Variants in GATAD2A observed in about 807,000 individuals in gnomAD.
GATAD2A encodes the protein GATA zinc finger domain containing 2A.
In GATAD2A, 12 loss-of-function variants were observed where a neutral mutation model predicts 68.5. The observed-to-expected ratio is 0.18, with a 90% CI of 0.11 to 0.28. GATAD2A has a LOEUF of 0.28. Ranked by LOEUF, GATAD2A falls within the 10% of genes least tolerant of loss-of-function variation. The probability of loss-of-function intolerance (pLI) is 1.00; values close to 1 mark genes in which losing one functional copy is unlikely to be tolerated. For missense variants in GATAD2A, 755 were observed against 868.5 expected (o/e 0.87, Z 1.64); for synonymous variants, 410 against 375.3 (o/e 1.09, Z -1.07).
Position 19,396,070 on chromosome 19 carries a change from C to T in GATAD2A, c.-7+9932C>T, listed in dbSNP as rs188880835. Among the ~76,000 whole-genome samples the T allele has an allele frequency of 5.9e-5, 9 of 152,264 alleles. 1 individual carries two copies. The stretch of plus-strand genomic sequence containing the variant: ...GCACGGTGGCTCACACCTGTAAACC[C>T]AGCACTTTGGGAGGCTGAGGCGGGT... On this transcript the variant is annotated intron_variant, in intron 1 of 11. Transcript: ENST00000360315.
chr19:19,433,765 A>G (rs1382730740), intron 1 of GATAD2A, among the ~76,000 whole-genome samples: 1 of 152,182 alleles, frequency 6.6e-6, no homozygotes, highest in African/African-American at 2.4e-5. Flanking sequence ...TACTGCAAGG[A>G]GTACCTCCCC....
intron 8 of GATAD2A, among the ~76,000 whole-genome samples, chr19:19,498,990 A>G (rs1600298953): frequency 6.6e-6 from 1 of 152,128 alleles, no homozygotes; most frequent in African/African-American, 2.4e-5. Context: ...GTGGTGGGGT[A>G]GACGTGAGGG....
intron 1 of GATAD2A, among the ~76,000 whole-genome samples, chr19:19,420,811 G>A (rs563110284): frequency 6.6e-6 from 1 of 152,192 alleles, no homozygotes; most frequent in Admixed American, 6.5e-5. Context: ...TATGAGTGTT[G>A]GTATGATGAC....
intron 2 of GATAD2A, among the ~76,000 whole-genome samples, chr19:19,491,657 G>A (rs558381722): frequency 8.0e-4 from 122 of 152,310 alleles, no homozygotes; most frequent in African/African-American, 2.2e-3. Flanking sequence ...AGCCACTGCC[G>A]CCATGTGGGG....
upstream of GATAD2A, among the ~76,000 whole-genome samples, chr19:19,401,213 T>A (rs867925277): frequency 2.1e-4 from 13 of 61,052 alleles, no homozygotes; most frequent in South Asian, 2.1e-3. Context: ...AAAACTTGGC[T>A]TTTTTTTTTT....
chr19:19,458,214 C>T (rs75582668), intron 1 of GATAD2A, among the ~76,000 whole-genome samples: 23,965 of 152,200 alleles, frequency 0.16, 1,999 homozygotes, highest in Middle Eastern at 0.27. Flanking sequence ...GGACTCACCA[C>T]GGCTTTCCCT....
Position 19,416,046 on chromosome 19 carries a change from C to T in GATAD2A, c.-7+10027C>T, listed in dbSNP as rs192122254. Among the ~76,000 whole-genome samples the T allele has an allele frequency of 3.3e-4, 50 of 152,222 alleles. No homozygotes were observed. The East Asian group carries it at 4.0e-3, about 12-fold the overall frequency. ...ATGATCACAATCACTATAGCCTCGA[C>T]CTCCTGGACTTAAGCCATCCTCCCA... On this transcript the variant is annotated intron_variant, in intron 1 of 11. Transcript: ENST00000683918.
Position 19,507,792 on chromosome 19 carries a change from C to T in GATAD2A, c.*2318C>T, listed in dbSNP as rs2060931464. The T allele has an allele frequency of 6.6e-6, 1 of 152,110 alleles. No individual in the cohort carries two copies. The highest frequency in any genetic ancestry group is 1.9e-4 in the East Asian group (1 of 5,190). 9.4% of individuals were successfully genotyped at this position (152,110 alleles called of 1,614,324 possible). On this transcript the variant is annotated 3_prime_UTR_variant, in exon 12 of 12. Transcript: ENST00000683918. ...CCCCAGGGGGCAAAAGTGTGAGATG[C>T]CTTAATCTTTCCTTCATTTCTGCTG...
At chr19:19,485,700 C>T (rs140902037) in intron 2 of GATAD2A, among the ~76,000 whole-genome samples, 1 of 152,298 alleles carries the variant, frequency 6.6e-6, no homozygotes, top group Non-Finnish European at 1.5e-5. Flanking sequence ...TCAAGTACTA[C>T]GGGGGCTATG....
intron 1 of GATAD2A, among the ~76,000 whole-genome samples, chr19:19,397,867 G>A (rs1273342712): frequency 6.6e-6 from 1 of 152,098 alleles, no homozygotes; most frequent in Non-Finnish European, 1.5e-5. Flanking sequence ...GACTACAGGC[G>A]CATGCTATCA....
Position 19,495,875 on chromosome 19 carries a change from G to T in GATAD2A, c.746G>T (p.Arg249Met). The T allele has an allele frequency of 6.2e-7, 1 of 1,612,346 alleles. No homozygotes were observed. Among genetic ancestry groups the T allele is most frequent in the Non-Finnish European group, 8.5e-7 (1 of 1,179,172 alleles). Residue 249 changes from arginine to methionine, a missense_variant, in exon 6 of 12, where the codon AGG becomes ATG. By Grantham distance (91) the Arg-to-Met change is moderately conservative. Transcript: ENST00000683918. Reference sequence around the variant, plus strand: ...CAGGTCGTCATGCCCCCACTCGTCAGGGGGGCTCAGGTAAGCAGGGCTGTG... The same window carrying T: ...CAGGTCGTCATGCCCCCACTCGTCATGGGGGCTCAGGTAAGCAGGGCTGTG... The part of the protein sequence containing the change: ...SSQVVMPPLV[R>M]GAQQIHSIRQ...
intron 1 of GATAD2A, among the ~76,000 whole-genome samples, chr19:19,395,654 CT>C (rs1328557352): frequency 6.6e-6 from 1 of 152,164 alleles, no homozygotes; most frequent in Non-Finnish European, 1.5e-5. Flanking sequence ...CCCTCGGGAG[CT>C]TGTCTGCACC....
intron 1 of GATAD2A, among the ~76,000 whole-genome samples, chr19:19,408,263 G>A (rs2050517117): frequency 6.6e-6 from 1 of 152,194 alleles, no homozygotes. Context: ...GGGATTACAG[G>A]CGTGAGCCAC....
In GATAD2A at chr19:19,448,977, C is replaced by G. The variant is rs150033876; in HGVS notation, c.-6-16363C>G. Among the ~76,000 whole-genome samples, 729 of 152,290 alleles carry G rather than the reference C, an allele frequency of 4.8e-3. 6 individuals carry two copies. The highest frequency in any genetic ancestry group is 0.041 in the South Asian group (196 of 4,822). Reference sequence around the variant, plus strand: ...AATTGTGATCCTTGTGGGGCTCTTTCATGGCCAGTGTGTGGACACTATCGT... The same window carrying G: ...AATTGTGATCCTTGTGGGGCTCTTTGATGGCCAGTGTGTGGACACTATCGT... On this transcript the variant is annotated intron_variant, in intron 1 of 11. Coordinates refer to ENST00000683918, the MANE Select transcript of GATAD2A (RefSeq NM_001384528.1).
chr19:19,386,305 C>T (rs1283800330), intron 1 of GATAD2A, among the ~76,000 whole-genome samples: 5 of 152,234 alleles, frequency 3.3e-5, no homozygotes, highest in Admixed American at 3.3e-4. Context: ...TCCAGGGGAC[C>T]CCCGCCTCTC....
chr19:19,447,202 T>C (rs2055830210), intron 1 of GATAD2A, among the ~76,000 whole-genome samples: 1 of 152,120 alleles, frequency 6.6e-6, no homozygotes, highest in Non-Finnish European at 1.5e-5. Flanking sequence ...TTTCTCACTT[T>C]GCATTATCAG....
At chr19:19,423,957 C>G (rs779632540) in intron 1 of GATAD2A, among the ~76,000 whole-genome samples, 2 of 152,202 alleles carry the variant, frequency 1.3e-5, no homozygotes, top group Admixed American at 1.3e-4. Context: ...GTGTCTTGCT[C>G]TGTCATCCTG....
chr19:19,416,982 G>C (rs563899987), intron 1 of GATAD2A, among the ~76,000 whole-genome samples: 1 of 152,202 alleles, frequency 6.6e-6, no homozygotes, highest in Admixed American at 6.5e-5. Flanking sequence ...GGCTGGTCTC[G>C]AACTTCTGAC....
intron 1 of GATAD2A, among the ~76,000 whole-genome samples, chr19:19,454,733 C>CCA (rs1213123253): frequency 8.5e-5 from 11 of 129,046 alleles, no homozygotes; most frequent in Admixed American, 8.0e-5. Context: ...ACTGTGCCCC[C>CCA]CCCCACCCCC....
Sources: gnomAD v4.1 joint callset for allele counts (sites outside exome capture counted in the v4.1 genomes callset) on GRCh38, gnomAD v4.1.1 for gene constraint, MANE v1.5 for transcripts, NCBI Gene and HGNC (gene_info 2026-07-23, HGNC 2026-07-21) for gene names.